Variants in PDZD2 observed in about 807,000 individuals in gnomAD.
PDZD2 encodes the protein PDZ domain containing 2, also known as PDZ domain-containing protein 2.
In PDZD2, 90 loss-of-function variants were observed where a neutral mutation model predicts 220.7. The observed-to-expected ratio is 0.41, with a 90% CI of 0.34 to 0.49. The LOEUF (loss-of-function observed/expected upper bound fraction) is 0.49. PDZD2 is among the 20% of genes least tolerant of loss of function. The pLI is 0.28. For missense variants in PDZD2, 3,174 were observed against 3,608.5 expected, an observed-to-expected ratio of 0.88 and a Z score of 3.08; for synonymous variants, 1,375 against 1,450.5, an observed-to-expected ratio of 0.95 and a Z score of 1.18.
chr5:31,668,169 C>G (rs1377449700), intron 1 of PDZD2, among the ~76,000 whole-genome samples: 1 of 152,098 alleles, frequency 6.6e-6, no homozygotes, highest in Non-Finnish European at 1.5e-5. Context: ...CCCAAACTGC[C>G]TTTTTTCATT....
At chr5:31,977,629 C>T (rs980022826) in intron 2 of PDZD2, among the ~76,000 whole-genome samples, 8 of 152,210 alleles carry the variant, frequency 5.3e-5, no homozygotes, top group Middle Eastern at 3.4e-3. Context: ...GCACCTTTTG[C>T]GGGAAAAGGA....
chr5:31,967,387 A>G lies in PDZD2; in HGVS notation c.477-15768A>G, dbSNP rs913105281. ...TTGGATGCTGCACTATGCGGGCTTG[A>G]GGATTACTTACTGGCCCGTTGTGAC... On this transcript the variant is annotated intron_variant, in intron 2 of 24. Transcript: ENST00000438447. 3.9e-5 allele frequency among the ~76,000 whole-genome samples: 6 copies of G among 152,278 alleles called. No homozygotes were observed. The East Asian group carries it at 1.2e-3, about 29-fold the overall frequency.
chr5:31,999,075 C>G (rs1235316051), intron 4 of PDZD2, among the ~76,000 whole-genome samples: 1 of 152,242 alleles, frequency 6.6e-6, no homozygotes, highest in African/African-American at 2.4e-5. Context: ...GAGGCAGTCC[C>G]CATGACACCT....
At chr5:31,721,516 C>CT (rs752973527) in intron 1 of PDZD2, among the ~76,000 whole-genome samples, 2,094 of 120,304 alleles carry the variant, frequency 0.017, 46 homozygotes, top group African/African-American at 0.05. Context: ...ATAACTGCCT[C>CT]TTTTTTTTTT....
At chr5:31,862,735 A>T (rs1737839497) in intron 2 of PDZD2, among the ~76,000 whole-genome samples, 1 of 145,572 alleles carries the variant, frequency 6.9e-6, no homozygotes, top group Admixed American at 6.8e-5. Context: ...TAATTTTTAT[A>T]TTTTTTTTCC....
intron 2 of PDZD2, among the ~76,000 whole-genome samples, chr5:31,971,900 G>A (rs1182799634): frequency 6.6e-6 from 1 of 152,128 alleles, no homozygotes; most frequent in Non-Finnish European, 1.5e-5. Flanking sequence ...AGGCCTCCTT[G>A]CTGTTTCTCC....
intron 1 of PDZD2, among the ~76,000 whole-genome samples, chr5:31,765,007 G>A (rs970379537): frequency 6.6e-6 from 1 of 152,024 alleles, no homozygotes; most frequent in African/African-American, 2.4e-5. Context: ...AACCCGGGAG[G>A]TGGAGTTTGC....
chr5:31,805,242 T>C (rs1268854714), intron 2 of PDZD2, among the ~76,000 whole-genome samples: 7 of 152,182 alleles, frequency 4.6e-5, no homozygotes, highest in Non-Finnish European at 8.8e-5. Context: ...TATAGACTCC[T>C]TTTGGCAAAC....
chr5:32,054,208 T>C (rs1222080266), intron 10 of PDZD2, among the ~76,000 whole-genome samples: 1 of 151,972 alleles, frequency 6.6e-6, no homozygotes. Context: ...GGGTCCATTC[T>C]TACCTTAGGG....
At chr5:31,649,028 C>A (rs1340810282) in intron 1 of PDZD2, among the ~76,000 whole-genome samples, 3 of 152,092 alleles carry the variant, frequency 2.0e-5, no homozygotes, top group Non-Finnish European at 2.9e-5. Flanking sequence ...TCCTGCCCCC[C>A]AACCCAGAGG....
chr5:31,861,201 A>T (rs1023040978), intron 2 of PDZD2, among the ~76,000 whole-genome samples: 9 of 152,146 alleles, frequency 5.9e-5, no homozygotes, highest in Non-Finnish European at 1.3e-4. Context: ...GGAGAGAGTA[A>T]GTAGCAGGTC....
Position 32,009,087 on chromosome 5 carries a change from G to A in PDZD2, c.1255-1243G>A, listed in dbSNP as rs557845981. Reference sequence around the variant, plus strand: ...TAGCCGGGCTCGGTGGCTCATGCCTGTAATCTCAGCACTTTGGGAAGCCAA... The same window carrying A: ...TAGCCGGGCTCGGTGGCTCATGCCTATAATCTCAGCACTTTGGGAAGCCAA... On this transcript the variant is annotated intron_variant, in intron 5 of 24. Transcript: ENST00000438447. 1.6e-3 allele frequency among the ~76,000 whole-genome samples: 245 copies of A among 152,240 alleles called. 1 individual carries two copies. The highest frequency in any genetic ancestry group is 5.6e-3 in the African/African-American group (234 of 41,540).
chr5:31,935,577 T>G (rs1009104995), intron 2 of PDZD2, among the ~76,000 whole-genome samples: 14 of 152,176 alleles, frequency 9.2e-5, no homozygotes, highest in African/African-American at 3.1e-4. Flanking sequence ...GGCTTTTATT[T>G]CCCAACAGAC....
intron 2 of PDZD2, among the ~76,000 whole-genome samples, chr5:31,859,907 G>A (rs532778153): frequency 6.6e-6 from 1 of 152,214 alleles, no homozygotes; most frequent in South Asian, 2.1e-4. Flanking sequence ...CTGGGGCCCC[G>A]GGTAGTTGCC....
intron 1 of PDZD2, among the ~76,000 whole-genome samples, chr5:31,657,787 A>G (rs1260703445): frequency 1.3e-5 from 2 of 152,060 alleles, no homozygotes; most frequent in African/African-American, 4.8e-5. Flanking sequence ...CAGAGTGTTG[A>G]CCTCGGCGCT....
intron 2 of PDZD2, among the ~76,000 whole-genome samples, chr5:31,902,664 TACATGGCCA>T (rs1427561870): frequency 3.3e-5 from 5 of 151,188 alleles, no homozygotes; most frequent in African/African-American, 1.2e-4. Flanking sequence ...GTATTTTTAG[TACATGGCCA>T]ACATGGTGAA....
At chr5:31,826,097 G>A (rs554955000) in intron 2 of PDZD2, among the ~76,000 whole-genome samples, 1 of 152,124 alleles carries the variant, frequency 6.6e-6, no homozygotes, top group Non-Finnish European at 1.5e-5. Flanking sequence ...TATTTGGTAC[G>A]GGGGTATAAA....
chr5:31,842,049 G>A (rs1757342393), intron 2 of PDZD2, among the ~76,000 whole-genome samples: 1 of 152,052 alleles, frequency 6.6e-6, no homozygotes, highest in Admixed American at 6.6e-5. Context: ...CTTATTACAA[G>A]TACTGACACC....
intron 1 of PDZD2, among the ~76,000 whole-genome samples, chr5:31,664,330 A>G (rs1010156041): frequency 1.3e-5 from 2 of 152,090 alleles, no homozygotes; most frequent in Non-Finnish European, 2.9e-5. Context: ...ACGGCTTAAC[A>G]TAACAAAAAA....
Sources: gnomAD v4.1 joint callset for allele counts (sites outside exome capture counted in the v4.1 genomes callset) on GRCh38, gnomAD v4.1.1 for gene constraint, MANE v1.5 for transcripts, NCBI Gene and HGNC (gene_info 2026-07-23, HGNC 2026-07-21) for gene names.